The following EYS variants were observed in gnomAD, a reference collection of about 807,000 sequenced individuals.
EYS encodes the protein protein eyes shut homolog.
In EYS, 250 loss-of-function variants were observed where a neutral mutation model predicts 282.1. The ratio of observed to expected loss-of-function variants is 0.89; its 90% CI spans 0.80 to 0.98. The LOEUF (loss-of-function observed/expected upper bound fraction) is 0.98. Ranked by LOEUF, EYS falls within the 50% of genes least tolerant of loss-of-function variation. The pLI is 0.00. For synonymous variants in EYS, 1,355 were observed against 1,282.9 expected, an observed-to-expected ratio of 1.06 and a Z score of -1.20; for missense variants, 4,016 against 3,709.0, an observed-to-expected ratio of 1.08 and a Z score of -2.15.
In EYS at chr6:65,319,599, G is replaced by A. The variant is rs1047415098; in HGVS notation, c.1766+15381C>T. ...TCTTTATTAAGATGATGTCCAAACA[G>A]GAGTTTAAAATTTCTTCTGTATAAT... On this transcript the variant is annotated intron_variant, in intron 11 of 42. Coordinates refer to ENST00000503581, the MANE Select transcript of EYS (RefSeq NM_001142800.2). 3.9e-5 allele frequency among the ~76,000 whole-genome samples: 6 copies of A among 152,220 alleles called. No homozygotes were observed. The East Asian group carries it at 7.7e-4, about 20-fold the overall frequency.
intron 2 of EYS, among the ~76,000 whole-genome samples, chr6:65,557,979 A>G (rs1300634363): frequency 6.6e-6 from 1 of 152,062 alleles, no homozygotes; most frequent in African/African-American, 2.4e-5. Context: ...TGATTGGTTC[A>G]TGGGTGGCCA....
intron 5 of EYS, among the ~76,000 whole-genome samples, chr6:65,488,989 A>C (rs1765919331): frequency 6.6e-6 from 1 of 152,200 alleles, no homozygotes; most frequent in South Asian, 2.1e-4. Flanking sequence ...AGATGGATCA[A>C]AGACTTAAAC....
In EYS at chr6:65,654,644, C is replaced by A. The variant is rs138841243; in HGVS notation, c.-447-14752G>T. Among the ~76,000 whole-genome samples the A allele has an allele frequency of 2.0e-3, 306 of 151,766 alleles. 3 individuals carry two copies. Among genetic ancestry groups the A allele is most frequent in the African/African-American group, 6.8e-3 (284 of 41,462 alleles). On this transcript the variant is annotated intron_variant, in intron 1 of 42. Coordinates refer to ENST00000503581, the MANE Select transcript of EYS (RefSeq NM_001142800.2). ...AAAAGGTTACAGAGACATCCCTATA[C>A]CAGCTGAGAGTCCATTAAAAAGGTC...
intron 19 of EYS, among the ~76,000 whole-genome samples, chr6:64,850,642 T>G (rs1758470586): frequency 6.7e-6 from 1 of 148,912 alleles, no homozygotes; most frequent in Non-Finnish European, 1.5e-5. Context: ...TTGTTACAGG[T>G]AGCTGAGAGG....
intron 40 of EYS, among the ~76,000 whole-genome samples, chr6:63,767,670 A>G (rs927135517): frequency 2.6e-5 from 4 of 152,154 alleles, no homozygotes; most frequent in African/African-American, 9.6e-5. Flanking sequence ...CAATTTACAG[A>G]TTCAATGTTA....
At chr6:63,861,810 G>T (rs1772537781) in intron 36 of EYS, among the ~76,000 whole-genome samples, 1 of 152,166 alleles carries the variant, frequency 6.6e-6, no homozygotes. Flanking sequence ...CTGTCTATGA[G>T]CCAGGAAGTA....
At chr6:64,856,536 C>A (rs937424473) in intron 19 of EYS, among the ~76,000 whole-genome samples, 3 of 152,090 alleles carry the variant, frequency 2.0e-5, no homozygotes, top group Admixed American at 1.3e-4. Context: ...TGGACTCAAG[C>A]AATCCACCTG....
chr6:65,308,929 A>C (rs148476457), intron 11 of EYS, among the ~76,000 whole-genome samples: 3,070 of 152,074 alleles, frequency 0.02, 113 homozygotes, highest in African/African-American at 0.071. Context: ...TGCTTGGGCG[A>C]ATCAAACCTT....
chr6:64,640,189 T>A (rs2149869767), intron 22 of EYS, among the ~76,000 whole-genome samples: 1 of 146,940 alleles, frequency 6.8e-6, no homozygotes, highest in East Asian at 2.0e-4. Flanking sequence ...GAACTGGAAA[T>A]ACCATTTGAC....
At chr6:64,642,984 A>ACATGC (rs1264285508) in intron 22 of EYS, among the ~76,000 whole-genome samples, 1 of 152,140 alleles carries the variant, frequency 6.6e-6, no homozygotes, top group Non-Finnish European at 1.5e-5. Flanking sequence ...GCGTGGTGGC[A>ACATGC]CATGCCTCTA....
At chr6:65,597,411 C>T (rs1046281280) in intron 2 of EYS, among the ~76,000 whole-genome samples, 2 of 152,030 alleles carry the variant, frequency 1.3e-5, no homozygotes, top group Non-Finnish European at 2.9e-5. Context: ...AAAGCAGGAA[C>T]CACCTTTAGC....
At chr6:63,884,895 T>C (rs933347423) in intron 35 of EYS, among the ~76,000 whole-genome samples, 11 of 152,186 alleles carry the variant, frequency 7.2e-5, no homozygotes, top group Non-Finnish European at 1.5e-4. Flanking sequence ...GGAAACACTT[T>C]ATCAGCTGTC....
chr6:63,775,248 C>T (rs1357406061), intron 40 of EYS, among the ~76,000 whole-genome samples: 6 of 152,188 alleles, frequency 3.9e-5, no homozygotes, highest in African/African-American at 1.4e-4. Flanking sequence ...CCATCTCTCT[C>T]CTTACTTGGA....
intron 15 of EYS, among the ~76,000 whole-genome samples, chr6:64,937,447 G>T (rs1768946056): frequency 2.0e-5 from 3 of 151,546 alleles, no homozygotes; most frequent in South Asian, 4.1e-4. Flanking sequence ...TAAGATAAAA[G>T]GTACATAACT....
intron 37 of EYS, 140 bp from the exon 38 acceptor site, chr6:63,789,364 G>A (rs902346848): frequency 3.8e-6 from 3 of 787,344 alleles, no homozygotes; most frequent in Admixed American, 5.8e-5. Context: ...CAGCATTTAG[G>A]TATATGTGCA....
chr6:65,575,212 A>C (rs1396851025), intron 2 of EYS, among the ~76,000 whole-genome samples: 1 of 151,698 alleles, frequency 6.6e-6, no homozygotes, highest in Non-Finnish European at 1.5e-5. Context: ...TTGTAACCCC[A>C]CCTACTCCGA....
chr6:63,880,487 G>GTCTGTATCTATCTATCTATC (rs537041801), intron 35 of EYS, among the ~76,000 whole-genome samples: 26 of 142,880 alleles, frequency 1.8e-4, no homozygotes, highest in Non-Finnish European at 2.3e-4. Flanking sequence ...CTGTCTGTCT[G>GTCTGTATCTATCTATCTATC]TATCTATCTA....
At chr6:64,233,765 C>G (rs1225664960) in intron 30 of EYS, among the ~76,000 whole-genome samples, 1 of 152,134 alleles carries the variant, frequency 6.6e-6, no homozygotes, top group Non-Finnish European at 1.5e-5. Context: ...TCAATGGATT[C>G]AAAACCAAAC....
chr6:64,194,578 G>A (rs889613699), intron 31 of EYS, among the ~76,000 whole-genome samples: 5 of 151,676 alleles, frequency 3.3e-5, no homozygotes, highest in Admixed American at 6.6e-5. Context: ...ATTACCTTTT[G>A]GTTTTTGCTT....
Sources: gnomAD v4.1 joint callset for allele counts (sites outside exome capture counted in the v4.1 genomes callset) on GRCh38, gnomAD v4.1.1 for gene constraint, MANE v1.5 for transcripts, NCBI Gene and HGNC (gene_info 2026-07-23, HGNC 2026-07-21) for gene names.